Variants in MIGA1 observed in about 807,000 individuals in gnomAD.
MIGA1 encodes mitoguardin 1.
Under a neutral mutation model 82.0 loss-of-function variants are expected in MIGA1, and 58 were observed. The observed-to-expected ratio is 0.71, with a 90% CI of 0.57 to 0.88. The LOEUF (loss-of-function observed/expected upper bound fraction) is 0.88, where lower values mean the gene tolerates loss of function less well. MIGA1 is among the 40% of genes least tolerant of loss of function. The pLI is 0.00. For synonymous variants in MIGA1, 249 were observed against 253.6 expected (o/e 0.98, Z 0.17); for missense variants, 751 against 749.1 (o/e 1.00, Z -0.03).
rs1199090245 is a variant in MIGA1, at chr1:77,803,282, C to A, written c.386C>A (p.Ser129Tyr). Residue 129 changes from serine to tyrosine, a missense_variant, in exon 4 of 16, where the codon TCC becomes TAC. Ser to Tyr is a moderately radical substitution (Grantham distance 144, BLOSUM62 -2). Around this residue, in one of 3 missense-constraint regions of MIGA1, gnomAD observed 482 missense variants for 439.4 expected, o/e 1.10. Transcript: ENST00000370791. ...GTTTATTTGATAGGTTCAAGTTGTT[C>A]CAGTAGCAGACAGAATTTGACATTA... 6.6e-7 allele frequency: 1 copy of A among 1,521,552 alleles called. No individual in the cohort carries two copies. Among genetic ancestry groups the A allele is most frequent in the Non-Finnish European group, 8.8e-7 (1 of 1,134,412 alleles). 94.3% of individuals were successfully genotyped at this position (1,521,552 alleles called of 1,614,324 possible).
chr1:77,866,813 A>G (rs954691005), intron 14 of MIGA1, among the ~76,000 whole-genome samples: 1 of 151,082 alleles, frequency 6.6e-6, no homozygotes, highest in Non-Finnish European at 1.5e-5. Context: ...CTTCCCAAGT[A>G]GCTGGGACCG....
chr1:77,801,471 C>T lies in MIGA1; in HGVS notation c.336C>T (p.Leu112=). Residue 112 remains leucine (L), a synonymous_variant, in exon 3 of 16, where the codon CTC becomes CTT. Coordinates refer to ENST00000370791, the MANE Select transcript of MIGA1 (RefSeq NM_198549.4). ...TATTACCATGGGAACCAGAGCACCT[C>T]ATACTTGAATACACTAAAAGAGCAG... is the stretch of plus-strand genomic sequence containing the variant. 1 of 1,604,858 alleles carries T rather than the reference C, an allele frequency of 6.2e-7. No homozygotes were observed. The highest frequency in any genetic ancestry group is 1.1e-5 in the South Asian group (1 of 88,834).
At chr1:77,863,515 T>C (rs1685549491) in intron 12 of MIGA1, among the ~76,000 whole-genome samples, 1 of 152,226 alleles carries the variant, frequency 6.6e-6, no homozygotes. Context: ...CAGCATGTAG[T>C]ATGTAGAGTG....
At chr1:77,780,854 A>C (rs147860615) in intron 1 of MIGA1, among the ~76,000 whole-genome samples, 25 of 151,988 alleles carry the variant, frequency 1.6e-4, no homozygotes, top group Middle Eastern at 3.4e-3. Context: ...ATGAAAAAGA[A>C]TGAGGTAGTT....
Position 77,879,356 on chromosome 1 carries a change from T to C in MIGA1, c.*4292T>C, listed in dbSNP as rs956350637. 2 of 152,180 alleles carry C rather than the reference T, an allele frequency of 1.3e-5. No individual in the cohort carries two copies. Among genetic ancestry groups the C allele is most frequent in the South Asian group, 2.1e-4 (1 of 4,834 alleles). The allele number at this position is 152,180 out of a possible 1,614,324, so 9.4% of individuals were successfully genotyped here. A position where few individuals can be genotyped will look rare whatever the true frequency, so the allele number is the denominator to read the frequency against. ...GTTTTGTTTAGTTTGTGAACAACCA[T>C]GTATTAGCTTTACTTAGCTGATGTC... On this transcript the variant is annotated 3_prime_UTR_variant, in exon 16 of 16. Transcript: ENST00000370791.
chr1:77,836,427 A>G (rs1384485921), intron 7 of MIGA1, among the ~76,000 whole-genome samples: 50 of 152,324 alleles, frequency 3.3e-4, no homozygotes, highest in Non-Finnish European at 2.9e-5. Flanking sequence ...ACTTGAACTG[A>G]GTATTAAAAA....
chr1:77,818,476 A>G (rs372641387), intron 7 of MIGA1, among the ~76,000 whole-genome samples: 2 of 152,142 alleles, frequency 1.3e-5, no homozygotes, highest in East Asian at 1.9e-4. Flanking sequence ...AGACACAAGG[A>G]TGTACGTGAA....
chr1:77,795,429 G>A (rs1029946621), intron 2 of MIGA1, among the ~76,000 whole-genome samples: 2 of 151,052 alleles, frequency 1.3e-5, no homozygotes, highest in Non-Finnish European at 1.5e-5. Flanking sequence ...CTTACTGCTC[G>A]GCTCAAGCAA....
At chr1:77,811,171 A>C in intron 5 of MIGA1, 1 of 1,521,802 alleles carries the variant, frequency 6.6e-7, no homozygotes, top group Non-Finnish European at 9.1e-7. Context: ...AGTATCTTGC[A>C]CAGGAGTTAA....
chr1:77,836,455 G>C (rs562010245), intron 7 of MIGA1, among the ~76,000 whole-genome samples: 2 of 152,180 alleles, frequency 1.3e-5, no homozygotes, highest in African/African-American at 2.4e-5. Flanking sequence ...CTTATGGGTA[G>C]CATAGGGCAA....
chr1:77,860,072 C>G lies in MIGA1; in HGVS notation c.1221C>G (p.Phe407Leu). The change falls in exon 11 of 16, where the codon TTC (phenylalanine) becomes TTG (leucine). Residue 407 changes from phenylalanine to leucine, a missense_variant. Around this residue, in one of 3 missense-constraint regions of MIGA1, gnomAD observed 265 missense variants for 293.6 expected, o/e 0.90. Coordinates refer to ENST00000370791, the MANE Select transcript of MIGA1 (RefSeq NM_198549.4). ...TTTCAGAATCAGCTAACAGGATATT[C>G]CTCGCTGAGAGCGGAAGGAAAATTT... 1 of 1,611,742 alleles carries G rather than the reference C, an allele frequency of 6.2e-7. No individual in the cohort carries two copies.
chr1:77,782,035 G>T (rs1465669888), intron 1 of MIGA1, among the ~76,000 whole-genome samples: 1 of 151,692 alleles, frequency 6.6e-6, no homozygotes, highest in Non-Finnish European at 1.5e-5. Flanking sequence ...TGTTTCCCAG[G>T]CTGGTCTCGA....
intron 2 of MIGA1, among the ~76,000 whole-genome samples, chr1:77,793,435 G>T (rs1225553380): frequency 2.6e-5 from 4 of 151,396 alleles, no homozygotes; most frequent in African/African-American, 9.7e-5. Context: ...ATCCTGAGAG[G>T]TTTTTTTTGT....
intron 14 of MIGA1, among the ~76,000 whole-genome samples, chr1:77,866,923 G>T (rs949686859): frequency 1.3e-5 from 2 of 151,742 alleles, no homozygotes; most frequent in East Asian, 1.9e-4. Context: ...CAGGTTATCC[G>T]CCCGCCTTGG....
At chr1:77,842,639 C>G (rs1053996931) in intron 7 of MIGA1, among the ~76,000 whole-genome samples, 6 of 152,186 alleles carry the variant, frequency 3.9e-5, no homozygotes, top group African/African-American at 7.2e-5. Context: ...CCTCCACCTC[C>G]CGGGTTCAAG....
intron 15 of MIGA1, among the ~76,000 whole-genome samples, chr1:77,873,948 A>G (rs950600470): frequency 3.9e-5 from 6 of 152,168 alleles, no homozygotes; most frequent in Admixed American, 3.9e-4. Flanking sequence ...TAAGTCTGTC[A>G]TCAGTGAGCA....
chr1:77,843,321 A>T lies in MIGA1; in HGVS notation c.910A>T (p.Ile304Phe), dbSNP rs778368473. The stretch of plus-strand genomic sequence containing the variant: ...TTACTTTTAAGATAAAGATACAGAT[A>T]TCACCATGAAGGGTAATGTGGAAGA... Residue 304 changes from isoleucine to phenylalanine, a missense_variant, in exon 8 of 16, where the codon ATC becomes TTC. By Grantham distance (21) the Ile-to-Phe change is conservative (BLOSUM62 0). Coordinates refer to ENST00000370791, the MANE Select transcript of MIGA1 (RefSeq NM_198549.4). 43 of 1,612,312 alleles carry T rather than the reference A, an allele frequency of 2.7e-5. No homozygotes were observed. Among genetic ancestry groups the T allele is most frequent in the Non-Finnish European group, 3.6e-5 (43 of 1,178,496 alleles).
chr1:77,817,559 G>C (rs1325860775), intron 7 of MIGA1, among the ~76,000 whole-genome samples: 2 of 152,156 alleles, frequency 1.3e-5, no homozygotes, highest in Admixed American at 1.3e-4. Flanking sequence ...ATGTGAAGCT[G>C]TTATATTTTG....
chr1:77,782,772 C>T, intron 1 of MIGA1: 3 of 549,184 alleles, frequency 5.5e-6, no homozygotes, highest in Non-Finnish European at 7.0e-6. Context: ...GGAGTTCAGT[C>T]AGTGAACTCT....
Sources: allele counts gnomAD v4.1 joint callset (sites outside exome capture counted in the v4.1 genomes callset), GRCh38; gene constraint gnomAD v4.1.1; regional missense constraint gnomAD v4.1.1; transcripts MANE v1.5; gene names NCBI Gene and HGNC (gene_info 2026-07-23, HGNC 2026-07-21).